Variants in EIF3A observed in about 807,000 individuals in gnomAD.
EIF3A encodes eukaryotic translation initiation factor 3 subunit A.
In EIF3A, 21 loss-of-function variants were observed where a neutral mutation model predicts 186.6. The observed-to-expected ratio is 0.11, with a 90% CI of 0.08 to 0.16. The LOEUF (loss-of-function observed/expected upper bound fraction) is 0.16. Ranked by LOEUF, EIF3A falls within the 10% of genes least tolerant of loss-of-function variation. The pLI is 1.00. For synonymous variants in EIF3A, 563 were observed against 584.3 expected (o/e 0.96, Z 0.52); for missense variants, 1,306 against 1,796.3 (o/e 0.73, Z 4.93).
At position 119,042,478 on chromosome 10, in the gene EIF3A, A is replaced by T. The variant is rs1848223311; in HGVS notation, c.3042T>A (p.Asp1014Glu). ...CCAGTCCTCGTCTAGGTGGTCTGTCATCATCCGCATGACGCCAGTTTCCCC... is the reference window on the plus strand; with the variant it reads ...CCAGTCCTCGTCTAGGTGGTCTGTCTTCATCCGCATGACGCCAGTTTCCCC... Reference protein sequence around the residue: ...EDRGNWRHADDDRPPRRGLDE... With the variant: ...EDRGNWRHADEDRPPRRGLDE... The change falls in exon 19 of 22, where the codon GAT becomes GAA. Residue 1014 changes from aspartate to glutamate, a missense_variant. Asp to Glu is a conservative substitution (Grantham distance 45). Around this residue, in one of 8 missense-constraint regions of EIF3A, gnomAD observed 410 missense variants for 473.5 expected, o/e 0.87. Coordinates refer to ENST00000369144, the MANE Select transcript of EIF3A (RefSeq NM_003750.4). The surrounding 1 kb of genome is among the most constrained non-coding windows in gnomAD (Gnocchi z 7.8). 1 of 1,613,904 alleles carries T rather than the reference A, an allele frequency of 6.2e-7. No homozygotes were observed. Among genetic ancestry groups the T allele is most frequent in the South Asian group, 1.1e-5 (1 of 91,064 alleles).
intron 7 of EIF3A, among the ~76,000 whole-genome samples, chr10:119,064,439 G>C (rs966279787): frequency 6.6e-6 from 1 of 152,102 alleles, no homozygotes; most frequent in African/African-American, 2.4e-5. Flanking sequence ...AATTTCTAAT[G>C]ATTTAGCACC....
At chr10:119,076,605 C>G (rs1844178297) in intron 1 of EIF3A, among the ~76,000 whole-genome samples, 1 of 152,056 alleles carries the variant, frequency 6.6e-6, no homozygotes, top group African/African-American at 2.4e-5. Flanking sequence ...GCAGTCTTCT[C>G]CTGGTCTTCT....
At chr10:119,065,198 A>ATT (rs1272455863) in intron 7 of EIF3A, among the ~76,000 whole-genome samples, 6 of 152,118 alleles carry the variant, frequency 3.9e-5, no homozygotes, top group African/African-American at 1.2e-4. Flanking sequence ...TGCTAGATCA[A>ATT]AACTCCCACC....
chr10:119,036,762 A>G (rs1205157842), intron 21 of EIF3A, among the ~76,000 whole-genome samples: 1 of 152,238 alleles, frequency 6.6e-6, no homozygotes, highest in African/African-American at 2.4e-5. Context: ...TGAAAAATAC[A>G]TATATTTTAA....
intron 2 of EIF3A, 67 bp from the exon 3 acceptor site, chr10:119,073,644 C>G: frequency 6.3e-7 from 1 of 1,575,438 alleles, no homozygotes; most frequent in Non-Finnish European, 8.6e-7. Context: ...GTTTTAAAGG[C>G]AAATTTTTAA....
At chr10:119,069,350 C>A in intron 6 of EIF3A, 96 bp downstream of exon 6, 1 of 691,060 alleles carries the variant, frequency 1.4e-6, no homozygotes, top group African/African-American at 1.8e-5. Context: ...GTCAGTAGTG[C>A]AGAGGCTGAG....
intron 21 of EIF3A, among the ~76,000 whole-genome samples, 195 bp from the exon 22 acceptor site, chr10:119,036,463 A>C (rs535489190): frequency 1.3e-5 from 2 of 152,290 alleles, no homozygotes; most frequent in African/African-American, 4.8e-5. Context: ...TTTAACATAC[A>C]AATGTACAGA....
chr10:119,080,072 G>A (rs1415548445), intron 1 of EIF3A, among the ~76,000 whole-genome samples: 7 of 152,264 alleles, frequency 4.6e-5, no homozygotes, highest in African/African-American at 1.4e-4. Context: ...TGGGTAAAGG[G>A]TAAGTGGACG....
intron 17 of EIF3A, among the ~76,000 whole-genome samples, chr10:119,045,236 C>T (rs550046401): frequency 2.6e-5 from 4 of 152,226 alleles, no homozygotes; most frequent in South Asian, 4.1e-4. Flanking sequence ...TGAGCCACCA[C>T]GCCTGCCCCT....
chr10:119,059,196 C>G lies in EIF3A; in HGVS notation c.1629+16G>C, dbSNP rs769514193. On this transcript the variant is annotated intron_variant, in intron 11 of 21. Coordinates refer to ENST00000369144, the MANE Select transcript of EIF3A (RefSeq NM_003750.4). ...CTCAAAACTTCTGGGATTTATTTCC[C>G]CGGGAAGATGCATACCAGTATATGA... is the stretch of plus-strand genomic sequence containing the variant. 1.2e-6 allele frequency: 2 copies of G among 1,606,688 alleles called. No homozygotes were observed. The highest frequency in any genetic ancestry group is 8.5e-7 in the Non-Finnish European group (1 of 1,176,812).
At chr10:119,040,727 C>A (rs1848196577) in intron 19 of EIF3A, among the ~76,000 whole-genome samples, 1 of 151,858 alleles carries the variant, frequency 6.6e-6, no homozygotes, top group Non-Finnish European at 1.5e-5. Flanking sequence ...AAAAAAATGG[C>A]CGGGCGTGGT....
intron 14 of EIF3A, among the ~76,000 whole-genome samples, chr10:119,052,059 C>G (rs1848363486): frequency 6.6e-6 from 1 of 152,118 alleles, no homozygotes; most frequent in Non-Finnish European, 1.5e-5. Context: ...ATGAAGTTTG[C>G]CACACTGATT....
chr10:119,073,956 T>C lies in EIF3A; in HGVS notation c.50-19A>G, dbSNP rs1267011975. The C allele has an allele frequency of 6.4e-7, 1 of 1,572,914 alleles. No homozygotes were observed. The highest frequency in any genetic ancestry group is 8.6e-7 in the Non-Finnish European group (1 of 1,160,504). On this transcript the variant is annotated intron_variant, in intron 1 of 21. Transcript: ENST00000369144. ...AGAAATTCTGAAAAATTCAGAAGAATTAAAATTAGTTATGTACACTATACA... is the reference window on the plus strand; with the variant it reads ...AGAAATTCTGAAAAATTCAGAAGAACTAAAATTAGTTATGTACACTATACA...
chr10:119,076,547 A>C (rs1421623834), intron 1 of EIF3A, among the ~76,000 whole-genome samples: 1 of 143,886 alleles, frequency 6.9e-6, no homozygotes, highest in Non-Finnish European at 1.5e-5. Flanking sequence ...TTTTGTTGAA[A>C]TAAGCCTTTC....
Position 119,052,536 on chromosome 10 carries a change from G to A in EIF3A, c.2197-1215C>T, listed in dbSNP as rs571587248. On this transcript the variant is annotated intron_variant, in intron 14 of 21. Coordinates refer to ENST00000369144, the MANE Select transcript of EIF3A (RefSeq NM_003750.4). Reference sequence around the variant, plus strand: ...ACTGCAGGCACACTCCACCATGCCTGGCTAATTTTCCTGTTTTTTTGTAGA... The same window carrying A: ...ACTGCAGGCACACTCCACCATGCCTAGCTAATTTTCCTGTTTTTTTGTAGA... Among the ~76,000 whole-genome samples, 9 of 152,054 alleles carry A rather than the reference G, an allele frequency of 5.9e-5. No individual in the cohort carries two copies. In the South Asian group the frequency reaches 1.5e-3, roughly 25 times the overall value.
At chr10:119,075,694 T>A (rs1844158482) in intron 1 of EIF3A, among the ~76,000 whole-genome samples, 1 of 145,960 alleles carries the variant, frequency 6.9e-6, no homozygotes, top group Non-Finnish European at 1.5e-5. Flanking sequence ...TCATTGTTTA[T>A]TTTCCTTGGA....
chr10:119,050,689 A>AC lies in EIF3A; in HGVS notation c.2320-16dup. The stretch of plus-strand genomic sequence containing the variant: ...TTAAGTTTTTCCTGCAATCGAAGTA[A>AC]CCCCCAACCCAAAAAGGGCACACTT... On this transcript the variant is annotated splice_polypyrimidine_tract_variant and intron_variant, in intron 15 of 21. Transcript: ENST00000369144. The AC allele has an allele frequency of 6.2e-7, 1 of 1,613,476 alleles. No homozygotes were observed. Among genetic ancestry groups the AC allele is most frequent in the Non-Finnish European group, 8.5e-7 (1 of 1,179,938 alleles).
intron 7 of EIF3A, among the ~76,000 whole-genome samples, chr10:119,062,592 A>C (rs904564552): frequency 6.6e-6 from 1 of 152,188 alleles, no homozygotes; most frequent in Non-Finnish European, 1.5e-5. Context: ...TAGATGCCCT[A>C]GTTGTTGGTC....
At chr10:119,060,223 A>C (rs895234725) in intron 9 of EIF3A, 10 of 482,068 alleles carry the variant, frequency 2.1e-5, no homozygotes, top group Middle Eastern at 3.3e-4. Flanking sequence ...TACTGACTTA[A>C]GCCCCTGGAC....
Sources: gnomAD v4.1 joint callset for allele counts (sites outside exome capture counted in the v4.1 genomes callset) on GRCh38, gnomAD v4.1.1 for gene constraint, gnomAD v4.1.1 regional missense constraint, Gnocchi (gnomAD v3.1) non-coding constraint, MANE v1.5 for transcripts, NCBI Gene and HGNC (gene_info 2026-07-23, HGNC 2026-07-21) for gene names.